WNT2B: variants seen among roughly 807,000 people sequenced by gnomAD.
WNT2B encodes the protein protein Wnt-2b.
A neutral mutation model predicts 40.5 loss-of-function variants in WNT2B; 19 were observed. The ratio of observed to expected loss-of-function variants is 0.47; its 90% CI spans 0.33 to 0.69. The LOEUF is 0.69. Among genes scored for constraint, WNT2B ranks in the 30% least tolerant of loss-of-function variants. The pLI, the probability that WNT2B is intolerant of heterozygous loss-of-function variation, is 0.02. For synonymous variants in WNT2B, 220 were observed against 211.9 expected, an observed-to-expected ratio of 1.04 and a Z score of -0.33; for missense variants, 467 against 556.4, an observed-to-expected ratio of 0.84 and a Z score of 1.62.
chr1:112,514,317 T>C (rs1652449835), intron 1 of WNT2B, among the ~76,000 whole-genome samples: 2 of 152,006 alleles, frequency 1.3e-5, no homozygotes, highest in South Asian at 4.1e-4. Flanking sequence ...GGAATGAGGA[T>C]TTTTTTTAGC....
intron 1 of WNT2B, among the ~76,000 whole-genome samples, chr1:112,482,616 A>G (rs1222678689): frequency 2.0e-5 from 3 of 152,220 alleles, no homozygotes; most frequent in Non-Finnish European, 4.4e-5. Context: ...TACAGGCATG[A>G]GCCACCATGC....
intron 4 of WNT2B, among the ~76,000 whole-genome samples, chr1:112,519,394 T>G (rs745609016): frequency 1.3e-5 from 2 of 152,206 alleles, no homozygotes; most frequent in Non-Finnish European, 2.9e-5. Flanking sequence ...TATTCTCCGT[T>G]TTGAACCTAG....
chr1:112,517,093 T>C, intron 3 of WNT2B, 28 bp from the exon 4 acceptor site: 1 of 1,599,442 alleles, frequency 6.3e-7, no homozygotes, highest in East Asian at 2.2e-5. Context: ...CAGCTACTTC[T>C]CCCTTAACTG....
At position 112,517,131 on chromosome 1, in the gene WNT2B, G is replaced by C. The variant is rs755695778; in HGVS notation, c.692G>C (p.Arg231Pro). 8 of 1,610,944 alleles carry C rather than the reference G, an allele frequency of 5.0e-6. No homozygotes were observed. The highest frequency in any genetic ancestry group is 4.0e-5 in the African/African-American group (3 of 74,850). ...TTCCCCCTCCCCCAGGCTGTGCGGC[G>C]GTTTCTGAAGCTGGAGTGTAAGTGC... ...NNRCGRTAVRRFLKLECKCHG... is the reference protein window; with the variant it reads ...NNRCGRTAVRPFLKLECKCHG... Residue 231 changes from arginine to proline, a missense_variant, in exon 4 of 5, where the codon CGG becomes CCG. By Grantham distance (103) the Arg-to-Pro change is moderately radical. Around this residue, in one of 2 missense-constraint regions of WNT2B, gnomAD observed 330 missense variants for 438.6 expected, o/e 0.75. Coordinates refer to ENST00000369684, the MANE Select transcript of WNT2B (RefSeq NM_024494.3).
intron 2 of WNT2B, 129 bp from the exon 3 acceptor site, chr1:112,516,011 G>A: frequency 8.3e-7 from 1 of 1,207,034 alleles, no homozygotes; most frequent in Non-Finnish European, 1.2e-6. Context: ...CTTGAATAAA[G>A]GGGGTGTAGG....
chr1:112,467,421 C>A, exon 1 of WNT2B: 1 of 669,614 alleles, frequency 1.5e-6, no homozygotes, highest in South Asian at 1.7e-5. Context: ...CCCTTCCAAA[C>A]CCTGAAGAGC....
upstream of WNT2B, among the ~76,000 whole-genome samples, chr1:112,504,148 A>T (rs1482482315): frequency 6.6e-6 from 1 of 152,172 alleles, no homozygotes; most frequent in Non-Finnish European, 1.5e-5. Context: ...CACTGGCCTC[A>T]CACAGAACCT....
chr1:112,512,847 A>G (rs1219084528), intron 1 of WNT2B, among the ~76,000 whole-genome samples: 1 of 152,220 alleles, frequency 6.6e-6, no homozygotes, highest in Non-Finnish European at 1.5e-5. Context: ...AGCAAGCGCC[A>G]TGCTCTGTGG....
chr1:112,502,710 C>G (rs1651997736), intron 1 of WNT2B, among the ~76,000 whole-genome samples: 1 of 151,998 alleles, frequency 6.6e-6, no homozygotes, highest in African/African-American at 2.4e-5. Context: ...ACACATAACA[C>G]AGGGGTTAGG....
chr1:112,527,113 T>C lies in WNT2B; in HGVS notation c.*6604T>C, dbSNP rs1194959182. ...AAGAGCAGCTCCAAAAGATGACGTATGCAAGGGGAACTCTTCTGTTCAATC... is the reference window on the plus strand; with the variant it reads ...AAGAGCAGCTCCAAAAGATGACGTACGCAAGGGGAACTCTTCTGTTCAATC... On this transcript the variant is annotated 3_prime_UTR_variant, in exon 5 of 5. Transcript: ENST00000369684. 1 of 152,268 alleles carries C rather than the reference T, an allele frequency of 6.6e-6. No individual in the cohort carries two copies. The highest frequency in any genetic ancestry group is 1.5e-5 in the Non-Finnish European group (1 of 68,072). The allele number at this position is 152,268 out of a possible 1,614,324, so 9.4% of individuals were successfully genotyped here.
chr1:112,478,119 C>T (rs1038670721), intron 1 of WNT2B, among the ~76,000 whole-genome samples: 6 of 151,954 alleles, frequency 3.9e-5, no homozygotes, highest in African/African-American at 1.2e-4. Context: ...CTGTGGTCTC[C>T]ACAACTCAGG....
intron 1 of WNT2B, among the ~76,000 whole-genome samples, chr1:112,510,667 C>G (rs1430832777): frequency 1.3e-5 from 2 of 152,148 alleles, no homozygotes; most frequent in African/African-American, 4.8e-5. Flanking sequence ...CCCCCACCCC[C>G]TGTTTTCCTG....
At position 112,520,338 on chromosome 1, in the gene WNT2B, T is replaced by C. The variant is rs759535661; in HGVS notation, c.1005T>C (p.Cys335=). The change falls in exon 5 of 5, where the codon TGT becomes TGC. Residue 335 remains cysteine, a synonymous_variant. Coordinates refer to ENST00000369684, the MANE Select transcript of WNT2B (RefSeq NM_024494.3). ...AGACATCAAAAGGAACAGACGGTTG[T>C]GAAATCATGTGCTGTGGCCGAGGGT... is the stretch of plus-strand genomic sequence containing the variant. ...CSKTSKGTDG[C]EIMCCGRGYD... 5 of 1,614,010 alleles carry C rather than the reference T, an allele frequency of 3.1e-6. No individual in the cohort carries two copies. Among genetic ancestry groups the C allele is most frequent in the Admixed American group, 1.7e-5 (1 of 59,988 alleles).
At chr1:112,481,890 T>C (rs1651235977) in intron 1 of WNT2B, among the ~76,000 whole-genome samples, 1 of 151,994 alleles carries the variant, frequency 6.6e-6, no homozygotes, top group Admixed American at 6.6e-5. Flanking sequence ...CTCACGTCTG[T>C]AATCCCAGCA....
intron 1 of WNT2B, among the ~76,000 whole-genome samples, chr1:112,489,832 A>G (rs1651543878): frequency 6.6e-6 from 1 of 152,036 alleles, no homozygotes. Flanking sequence ...GTCCCTCGCC[A>G]GTATGTTCCT....
chr1:112,474,048 G>C (rs1236596549), intron 1 of WNT2B, among the ~76,000 whole-genome samples: 2 of 115,152 alleles, frequency 1.7e-5, no homozygotes, highest in Admixed American at 9.8e-5. Flanking sequence ...CTGGGTGACA[G>C]AGAGAGACTC....
chr1:112,500,099 G>C (rs887005839), intron 1 of WNT2B, among the ~76,000 whole-genome samples: 4 of 152,142 alleles, frequency 2.6e-5, no homozygotes, highest in African/African-American at 9.7e-5. Context: ...TTGAACTGAG[G>C]ATCTCAAATC....
chr1:112,516,104 C>T (rs1213896184), intron 2 of WNT2B, 36 bp from the exon 3 acceptor site: 1 of 1,583,948 alleles, frequency 6.3e-7, no homozygotes, highest in South Asian at 1.2e-5. Context: ...ACATGGGCCT[C>T]TTTCCTGAAG....
At chr1:112,469,454 T>C (rs1650805907) in intron 1 of WNT2B, among the ~76,000 whole-genome samples, 1 of 152,234 alleles carries the variant, frequency 6.6e-6, no homozygotes, top group Admixed American at 6.5e-5. Flanking sequence ...CTAATTATAC[T>C]AGTCCATGAG....
Sources: allele counts gnomAD v4.1 joint callset (sites outside exome capture counted in the v4.1 genomes callset), GRCh38; gene constraint gnomAD v4.1.1; regional missense constraint gnomAD v4.1.1; transcripts MANE v1.5; gene names NCBI Gene and HGNC (gene_info 2026-07-23, HGNC 2026-07-21).